PLCXD3: variants seen among roughly 807,000 people sequenced by gnomAD.
The protein encoded by PLCXD3 is phosphatidylinositol specific phospholipase C X domain containing 3.
PLCXD3 carries 19 observed loss-of-function variants against 25.5 expected under a neutral mutation model. The observed-to-expected ratio is 0.75, with a 90% CI of 0.52 to 1.09. PLCXD3 has a LOEUF of 1.09. Ranked by LOEUF, PLCXD3 falls within the 50% of genes least tolerant of loss-of-function variation. PLCXD3 has a pLI of 0.00. For synonymous variants in PLCXD3, 174 were observed against 137.6 expected (o/e 1.26, Z -1.85); for missense variants, 411 against 388.1 (o/e 1.06, Z -0.50).
intron 1 of PLCXD3, among the ~76,000 whole-genome samples, chr5:41,492,074 G>A (rs1459457500): frequency 5.9e-5 from 9 of 152,186 alleles, no homozygotes; most frequent in Non-Finnish European, 1.2e-4. Context: ...GGCTGGTACT[G>A]GTTGTTCCTT....
chr5:41,332,168 G>A (rs952614508), intron 2 of PLCXD3, among the ~76,000 whole-genome samples: 1 of 151,898 alleles, frequency 6.6e-6, no homozygotes, highest in Non-Finnish European at 1.5e-5. Context: ...CCTACAAAAT[G>A]GGAGAAAATT....
At position 41,429,947 on chromosome 5, in the gene PLCXD3, CT is replaced by C. The variant is rs201801594; in HGVS notation, c.104-47414del. Among the ~76,000 whole-genome samples, 1,183 of 152,202 alleles carry C rather than the reference CT, an allele frequency of 7.8e-3. 11 individuals carry two copies. The highest frequency in any genetic ancestry group is 0.026 in the African/African-American group (1,085 of 41,546). The stretch of plus-strand genomic sequence containing the variant: ...CAGCTTCTAACCAACCTTGATGCCC[CT>C]GGAAACACCTATTTATATAGCAGAG... On this transcript the variant is annotated intron_variant, in intron 1 of 2. Transcript: ENST00000377801.
At chr5:41,446,315 A>AC (rs1040788898) in intron 1 of PLCXD3, among the ~76,000 whole-genome samples, 1 of 151,596 alleles carries the variant, frequency 6.6e-6, no homozygotes, top group African/African-American at 2.4e-5. Flanking sequence ...GTTTTAAACT[A>AC]CCCTTGGCTT....
intron 2 of PLCXD3, among the ~76,000 whole-genome samples, chr5:41,327,565 T>G (rs1015474376): frequency 6.6e-6 from 1 of 152,190 alleles, no homozygotes; most frequent in African/African-American, 2.4e-5. Context: ...CTACCTTTCT[T>G]TATAGCCAAG....
chr5:41,337,268 C>T (rs1461083375), intron 2 of PLCXD3, among the ~76,000 whole-genome samples: 1 of 152,060 alleles, frequency 6.6e-6, no homozygotes, highest in Non-Finnish European at 1.5e-5. Context: ...TAACCTCAGC[C>T]AGGATTTCTC....
chr5:41,354,484 C>A (rs1191093636), intron 2 of PLCXD3, among the ~76,000 whole-genome samples: 1 of 152,138 alleles, frequency 6.6e-6, no homozygotes, highest in Non-Finnish European at 1.5e-5. Flanking sequence ...TTGTTCAACT[C>A]CTTTAGATTC....
intron 1 of PLCXD3, among the ~76,000 whole-genome samples, chr5:41,490,923 T>C (rs534527769): frequency 1.3e-5 from 2 of 152,264 alleles, no homozygotes; most frequent in Admixed American, 1.3e-4. Context: ...GTTTTTTGTG[T>C]CTCTATTTCC....
chr5:41,405,192 A>G (rs1285931847), intron 1 of PLCXD3, among the ~76,000 whole-genome samples: 7 of 152,156 alleles, frequency 4.6e-5, no homozygotes, highest in Admixed American at 4.6e-4. Flanking sequence ...ATGAAGATAT[A>G]TAAGGGTAGC....
chr5:41,398,071 C>T (rs74381382), intron 1 of PLCXD3, among the ~76,000 whole-genome samples: 4,837 of 152,272 alleles, frequency 0.032, 93 homozygotes, highest in Non-Finnish European at 0.046. Context: ...TGAGTTAAAA[C>T]ATTGGAGGAC....
chr5:41,415,499 G>A (rs1273402254), intron 1 of PLCXD3, among the ~76,000 whole-genome samples: 5 of 152,058 alleles, frequency 3.3e-5, no homozygotes. Flanking sequence ...CTTGTGTTGG[G>A]GTGAAATTTA....
chr5:41,491,302 T>G (rs1028065707), intron 1 of PLCXD3, among the ~76,000 whole-genome samples: 2 of 152,248 alleles, frequency 1.3e-5, no homozygotes, highest in Non-Finnish European at 1.5e-5. Flanking sequence ...TGAGAGATAG[T>G]TTGTTATAAT....
chr5:41,445,289 C>G (rs1188554668), intron 1 of PLCXD3, among the ~76,000 whole-genome samples: 1 of 152,158 alleles, frequency 6.6e-6, no homozygotes, highest in African/African-American at 2.4e-5. Flanking sequence ...ATGTCCAGTG[C>G]TCAGGTTCTC....
intron 2 of PLCXD3, among the ~76,000 whole-genome samples, chr5:41,379,156 G>C (rs1745380989): frequency 6.6e-6 from 1 of 152,074 alleles, no homozygotes; most frequent in Non-Finnish European, 1.5e-5. Flanking sequence ...AGAGAATAGA[G>C]GGAGTTGGAG....
intron 2 of PLCXD3, among the ~76,000 whole-genome samples, chr5:41,370,859 G>C (rs964049315): frequency 6.6e-6 from 1 of 152,152 alleles, no homozygotes. Context: ...GAAACCTCGG[G>C]AAGACAAATG....
intron 1 of PLCXD3, among the ~76,000 whole-genome samples, chr5:41,398,905 A>G (rs759887365): frequency 1.3e-5 from 2 of 152,232 alleles, no homozygotes; most frequent in Non-Finnish European, 2.9e-5. Context: ...TTGAAAAGGA[A>G]GCCAAATTAT....
At chr5:41,372,397 T>C (rs1745129545) in intron 2 of PLCXD3, among the ~76,000 whole-genome samples, 1 of 151,766 alleles carries the variant, frequency 6.6e-6, no homozygotes, top group African/African-American at 2.4e-5. Context: ...GAAACTTCTT[T>C]AGTCTTTAAC....
intron 2 of PLCXD3, among the ~76,000 whole-genome samples, chr5:41,378,659 C>T (rs747777981): frequency 2.8e-4 from 43 of 152,016 alleles, no homozygotes; most frequent in Non-Finnish European, 2.2e-4. Context: ...GCTTGGAAAA[C>T]ATTGTATTAG....
At chr5:41,342,858 A>G (rs1056555374) in intron 2 of PLCXD3, among the ~76,000 whole-genome samples, 4 of 152,144 alleles carry the variant, frequency 2.6e-5, no homozygotes, top group Non-Finnish European at 4.4e-5. Flanking sequence ...CAATTTGAAA[A>G]ATATAAACAA....
chr5:41,498,108 C>T (rs372158640), intron 1 of PLCXD3, among the ~76,000 whole-genome samples: 2 of 151,102 alleles, frequency 1.3e-5, no homozygotes, highest in South Asian at 4.2e-4. Flanking sequence ...AAACCTTAAC[C>T]TAATTCTATA....
Sources: allele counts gnomAD v4.1 joint callset (sites outside exome capture counted in the v4.1 genomes callset), GRCh38; gene constraint gnomAD v4.1.1; transcripts MANE v1.5; gene names NCBI Gene and HGNC (gene_info 2026-07-23, HGNC 2026-07-21).